Variants in ADAMTS9 observed in about 807,000 individuals in gnomAD.
ADAMTS9 encodes ADAM metallopeptidase with thrombospondin type 1 motif 9, also known as A disintegrin and metalloproteinase with thrombospondin motifs 9.
A neutral mutation model predicts 257.1 loss-of-function variants in ADAMTS9; 107 were observed. The ratio of observed to expected loss-of-function variants is 0.42; its 90% CI spans 0.36 to 0.49. The LOEUF (loss-of-function observed/expected upper bound fraction) is 0.49, where lower values mean the gene tolerates loss of function less well. Ranked by LOEUF, ADAMTS9 falls within the 20% of genes least tolerant of loss-of-function variation. ADAMTS9 has a pLI of 0.03. For synonymous variants in ADAMTS9, 982 were observed against 880.9 expected, an observed-to-expected ratio of 1.11 and a Z score of -2.03; for missense variants, 2,353 against 2,469.1, an observed-to-expected ratio of 0.95 and a Z score of 1.00.
In ADAMTS9 at chr3:64,622,623, T is replaced by C. The variant is rs373175944; in HGVS notation, c.2390-37A>G. ...GAAACAGAATAATACATTGATCTGC[T>C]GTCAATGACTAGCTGTTTGAAATAT... On this transcript the variant is annotated intron_variant, in intron 16 of 39. Coordinates refer to ENST00000498707, the MANE Select transcript of ADAMTS9 (RefSeq NM_182920.2). 3.8e-6 allele frequency: 6 copies of C among 1,596,158 alleles called. No individual in the cohort carries two copies. In the African/African-American group the frequency reaches 8.0e-5, roughly 21 times the overall value.
At chr3:64,519,461 A>G (rs2082822520) in intron 39 of ADAMTS9, among the ~76,000 whole-genome samples, 1 of 152,176 alleles carries the variant, frequency 6.6e-6, no homozygotes, top group African/African-American at 2.4e-5. Context: ...AACCTCTATC[A>G]TCCTGATACC....
chr3:64,662,820 T>G (rs1451026876), intron 3 of ADAMTS9, among the ~76,000 whole-genome samples: 1 of 152,048 alleles, frequency 6.6e-6, no homozygotes, highest in Non-Finnish European at 1.5e-5. Context: ...AAATCCAAAA[T>G]GCTCCAAAAT....
chr3:64,590,453 T>C (rs965666653), intron 28 of ADAMTS9, among the ~76,000 whole-genome samples: 1 of 152,156 alleles, frequency 6.6e-6, no homozygotes, highest in Non-Finnish European at 1.5e-5. Context: ...TTAAATAACA[T>C]GAAAAAATAA....
At chr3:64,620,696 T>C (rs1224967089) in intron 19 of ADAMTS9, among the ~76,000 whole-genome samples, 2 of 152,196 alleles carry the variant, frequency 1.3e-5, no homozygotes, top group Non-Finnish European at 2.9e-5. Flanking sequence ...CTTTCAGGTG[T>C]GTAGGAGTTC....
chr3:64,577,584 G>A (rs1263481583), intron 28 of ADAMTS9, among the ~76,000 whole-genome samples: 2 of 152,180 alleles, frequency 1.3e-5, no homozygotes, highest in African/African-American at 4.8e-5. Flanking sequence ...TAGGAACAGT[G>A]ACCAAAGTTT....
intron 32 of ADAMTS9, among the ~76,000 whole-genome samples, chr3:64,543,374 T>C (rs1405237873): frequency 2.0e-5 from 3 of 152,206 alleles, no homozygotes; most frequent in African/African-American, 7.2e-5. Flanking sequence ...CTTCATAAAA[T>C]ACTGGCAAAC....
intron 3 of ADAMTS9, among the ~76,000 whole-genome samples, chr3:64,676,171 G>A (rs1360133892): frequency 6.6e-6 from 1 of 152,134 alleles, no homozygotes; most frequent in Non-Finnish European, 1.5e-5. Context: ...TATCTGTCTG[G>A]TTATTGAGAC....
At chr3:64,601,214 A>T in intron 26 of ADAMTS9, among the ~76,000 whole-genome samples, 1 of 152,344 alleles carries the variant, frequency 6.6e-6, no homozygotes, top group African/African-American at 2.4e-5. Context: ...ACTCTGTGGC[A>T]GGCGGGGCGC....
intron 26 of ADAMTS9, among the ~76,000 whole-genome samples, chr3:64,598,604 G>C (rs2084405507): frequency 6.6e-6 from 1 of 152,092 alleles, no homozygotes; most frequent in Non-Finnish European, 1.5e-5. Context: ...ACAGGGGTGA[G>C]CCACCATGCC....
intron 3 of ADAMTS9, among the ~76,000 whole-genome samples, chr3:64,659,278 G>A (rs1489773084): frequency 6.6e-6 from 1 of 152,048 alleles, no homozygotes; most frequent in Non-Finnish European, 1.5e-5. Context: ...GACCAGACTG[G>A]CCAACGTGTC....
At chr3:64,522,144 A>G in intron 39 of ADAMTS9, 22 bp downstream of exon 39, 2 of 1,600,070 alleles carry the variant, frequency 1.2e-6, no homozygotes, top group South Asian at 2.2e-5. Context: ...ATACACAGAC[A>G]GACAGACATA....
At chr3:64,672,989 C>G (rs1297872006) in intron 3 of ADAMTS9, among the ~76,000 whole-genome samples, 1 of 137,812 alleles carries the variant, frequency 7.3e-6, no homozygotes, top group Admixed American at 7.0e-5. Context: ...GTATTCAGTA[C>G]AGTCACATAC....
intron 22 of ADAMTS9, among the ~76,000 whole-genome samples, chr3:64,609,021 A>C (rs1017592952): frequency 6.7e-6 from 1 of 149,992 alleles, no homozygotes. Flanking sequence ...AATGGAAAAA[A>C]AAACATGATT....
At chr3:64,547,223 G>A (rs906273316) in intron 31 of ADAMTS9, among the ~76,000 whole-genome samples, 55 of 152,260 alleles carry the variant, frequency 3.6e-4, no homozygotes, top group African/African-American at 1.3e-3. Flanking sequence ...TGGAGGTTTC[G>A]AAGGGAGGAG....
rs778034248 is a variant in ADAMTS9 at position 64,546,893 on chromosome 3, GTAAA to G, written c.4925_4928del (p.Ile1642ThrfsTer30). 1.2e-6 allele frequency: 2 copies of G among 1,613,960 alleles called. No individual in the cohort carries two copies. Among genetic ancestry groups the G allele is most frequent in the Non-Finnish European group, 1.7e-6 (2 of 1,179,982 alleles). On this transcript the variant is annotated frameshift_variant, in exon 32 of 40. Coordinates refer to ENST00000498707, the MANE Select transcript of ADAMTS9 (RefSeq NM_182920.2). LOFTEE classifies it high-confidence loss of function. Reference sequence around the variant, plus strand: ...TGTATTCATAATTCTCCTTCCCGGTGTAAATCTCGCTGCACGAGACAAGCCTTTG... The same window carrying G: ...TGTATTCATAATTCTCCTTCCCGGTGTCTCGCTGCACGAGACAAGCCTTTG...
intron 28 of ADAMTS9, among the ~76,000 whole-genome samples, chr3:64,569,927 C>T (rs1291969751): frequency 6.6e-6 from 1 of 152,072 alleles, no homozygotes; most frequent in Admixed American, 6.6e-5. Context: ...CATCATTCAA[C>T]CTGTAGTGTT....
intron 8 of ADAMTS9, among the ~76,000 whole-genome samples, chr3:64,652,353 T>C (rs1346112707): frequency 6.6e-6 from 1 of 152,238 alleles, no homozygotes; most frequent in Non-Finnish European, 1.5e-5. Context: ...TTAGTTGAAC[T>C]TAGAAATAGT....
intron 12 of ADAMTS9, among the ~76,000 whole-genome samples, chr3:64,637,335 T>C (rs544548327): frequency 3.0e-4 from 45 of 152,298 alleles, no homozygotes; most frequent in Non-Finnish European, 5.0e-4. Flanking sequence ...CTTTAAAAAA[T>C]AGTAGCCACA....
chr3:64,565,404 G>C (rs1444768166), intron 29 of ADAMTS9: 1 of 152,162 alleles, frequency 6.6e-6, no homozygotes, highest in African/African-American at 2.4e-5. Context: ...ATATTTTGTA[G>C]CACTAAGAAA....
Sources: gnomAD v4.1 joint callset for allele counts (sites outside exome capture counted in the v4.1 genomes callset) on GRCh38, gnomAD v4.1.1 for gene constraint, MANE v1.5 for transcripts, NCBI Gene and HGNC (gene_info 2026-07-23, HGNC 2026-07-21) for gene names.